Variants in ZKSCAN7 observed in about 807,000 individuals in gnomAD.
The protein encoded by ZKSCAN7 is zinc finger with KRAB and SCAN domains 7, also known as zinc finger protein with KRAB and SCAN domains 7.
A neutral mutation model predicts 65.3 loss-of-function variants in ZKSCAN7; 38 were observed. The ratio of observed to expected loss-of-function variants is 0.58; its 90% CI spans 0.45 to 0.76. The LOEUF is 0.76. Ranked by LOEUF, ZKSCAN7 falls within the 30% of genes least tolerant of loss-of-function variation. The probability of loss-of-function intolerance (pLI) is 0.00; values close to 1 mark genes in which losing one functional copy is unlikely to be tolerated. For synonymous variants in ZKSCAN7, 321 were observed against 321.0 expected, an observed-to-expected ratio of 1.00 and a Z score of 0.00; for missense variants, 815 against 913.3, an observed-to-expected ratio of 0.89 and a Z score of 1.39.
chr3:44,579,775 A>T (rs1559434358), intron 5 of ZKSCAN7, among the ~76,000 whole-genome samples: 1 of 152,196 alleles, frequency 6.6e-6, no homozygotes. Context: ...CAGCCACTGA[A>T]TCCCTGTAGT....
intron 2 of ZKSCAN7, among the ~76,000 whole-genome samples, chr3:44,564,791 T>C (rs969767398): frequency 1.3e-5 from 2 of 152,144 alleles, no homozygotes; most frequent in Non-Finnish European, 2.9e-5. Flanking sequence ...TTTTTTTGTT[T>C]GTTTGGTTTT....
At position 44,556,969 on chromosome 3, in the gene ZKSCAN7, A is replaced by C; in HGVS notation, c.-79A>C. 2 of 1,585,744 alleles carry C rather than the reference A, an allele frequency of 1.3e-6. No individual in the cohort carries two copies. Among genetic ancestry groups the C allele is most frequent in the South Asian group, 2.3e-5 (2 of 88,424 alleles). Reference sequence around the variant, plus strand: ...ACCCCTTTCTCCAACCCTGAAAAACAGTTCCTGAGACCTGAACTATTGACC... The same window carrying C: ...ACCCCTTTCTCCAACCCTGAAAAACCGTTCCTGAGACCTGAACTATTGACC... On this transcript the variant is annotated 5_prime_UTR_variant, in exon 2 of 6. Coordinates refer to ENST00000426540, the MANE Select transcript of ZKSCAN7 (RefSeq NM_001288590.2).
At chr3:44,579,005 G>T (rs1043131729) in intron 5 of ZKSCAN7, among the ~76,000 whole-genome samples, 3 of 152,246 alleles carry the variant, frequency 2.0e-5, no homozygotes, top group African/African-American at 7.2e-5. Flanking sequence ...CTTGAGCAGA[G>T]AGGTCAGCTC....
chr3:44,568,432 G>T lies in ZKSCAN7; in HGVS notation c.810G>T (p.Leu270Phe). 6.2e-7 allele frequency: 1 copy of T among 1,613,132 alleles called. No individual in the cohort carries two copies. The highest frequency in any genetic ancestry group is 1.7e-4 in the Middle Eastern group (1 of 6,058). Residue 270 changes from leucine to phenylalanine, a missense_variant and splice_region_variant, in exon 5 of 6, where the codon TTG (leucine) becomes TTT (phenylalanine). Leu to Phe is a conservative substitution (Grantham distance 22, BLOSUM62 0). Coordinates refer to ENST00000426540, the MANE Select transcript of ZKSCAN7 (RefSeq NM_001288590.2). ...AAAATCACCATAGCATGGCCTCCTT[G>T]GGTAATGATTCTGTTTCCTAGTCAC... ...MPENHHSMAS[L>F]AGENMMKGSE...
chr3:44,576,756 G>A (rs547620916), downstream of ZKSCAN7, among the ~76,000 whole-genome samples: 2 of 152,292 alleles, frequency 1.3e-5, no homozygotes, highest in African/African-American at 4.8e-5. Context: ...CAGTAGAGAA[G>A]CAGCTTCAAT....
intron 5 of ZKSCAN7, chr3:44,580,922 G>T: frequency 2.5e-6 from 4 of 1,613,156 alleles, no homozygotes; most frequent in Non-Finnish European, 3.4e-6. Flanking sequence ...GGTCCTCGTC[G>T]TTGAGGAGAT....
rs922389208 is a variant in ZKSCAN7, at chr3:44,581,102, G to A, written c.812-1870G>A. Reference sequence around the variant, plus strand: ...GGCGGGCTAGGGGCTCAGCGCGGCCGCCGCCGCATCCCTCGCCGGCCCTGC... The same window carrying A: ...GGCGGGCTAGGGGCTCAGCGCGGCCACCGCCGCATCCCTCGCCGGCCCTGC... On this transcript the variant is annotated intron_variant, in intron 5 of 5. Coordinates refer to the ZKSCAN7 transcript ENST00000341840. 2.5e-4 allele frequency: 249 copies of A among 1,005,898 alleles called. No homozygotes were observed. In the African/African-American group the frequency reaches 4.1e-3, roughly 17 times the overall value. 62.3% of individuals were successfully genotyped at this position (1,005,898 alleles called of 1,614,324 possible).
intron 2 of ZKSCAN7, among the ~76,000 whole-genome samples, chr3:44,559,364 C>T (rs75604944): frequency 0.034 from 5,217 of 152,160 alleles, 206 homozygotes; most frequent in African/African-American, 0.097. Context: ...GTCCCCTCTA[C>T]CCCTTTGTAC....
At chr3:44,581,373 C>A (rs530959102) in intron 5 of ZKSCAN7, among the ~76,000 whole-genome samples, 2 of 152,018 alleles carry the variant, frequency 1.3e-5, no homozygotes, top group South Asian at 4.1e-4. Context: ...GCCCCGCGGC[C>A]GCTGCAAATG....
chr3:44,558,314 CAGG>C (rs1254867158), intron 2 of ZKSCAN7, among the ~76,000 whole-genome samples: 1 of 152,032 alleles, frequency 6.6e-6, no homozygotes, highest in African/African-American at 2.4e-5. Flanking sequence ...CACTTGAGGT[CAGG>C]AGTTTGAGAC....
chr3:44,558,768 C>T, intron 2 of ZKSCAN7, among the ~76,000 whole-genome samples: 1 of 139,330 alleles, frequency 7.2e-6, no homozygotes, highest in African/African-American at 2.7e-5. Flanking sequence ...CGTCTGCTTT[C>T]TCCTTTCTTC....
intron 5 of ZKSCAN7, chr3:44,578,125 C>T: frequency 6.5e-7 from 1 of 1,538,260 alleles, no homozygotes; most frequent in Non-Finnish European, 9.0e-7. Context: ...CCCAGTGCTT[C>T]CGTTGCAGCC....
At position 44,571,815 on chromosome 3, in the gene ZKSCAN7, T is replaced by TA; in HGVS notation, c.*442dup. On this transcript the variant is annotated 3_prime_UTR_variant, in exon 6 of 6. Transcript: ENST00000426540. ...CCCTCCCCATCTACTCTTTAAACTTTAATCTATAACTTTTCATCAGTTTTG... is the reference window on the plus strand; with the variant it reads ...CCCTCCCCATCTACTCTTTAAACTTTAAATCTATAACTTTTCATCAGTTTTG... The TA allele has an allele frequency of 2.0e-6, 2 of 995,784 alleles. No homozygotes were observed. Among genetic ancestry groups the TA allele is most frequent in the Non-Finnish European group, 2.4e-6 (2 of 835,944 alleles). 61.7% of individuals were successfully genotyped at this position (995,784 alleles called of 1,614,324 possible).
At chr3:44,580,831 AC>A in intron 5 of ZKSCAN7, 1 of 1,613,302 alleles carries the variant, frequency 6.2e-7, no homozygotes, top group Non-Finnish European at 8.5e-7. Flanking sequence ...CATTTCGGAG[AC>A]CGGTGCACTG....
downstream of ZKSCAN7, among the ~76,000 whole-genome samples, chr3:44,573,235 T>G (rs997788364): frequency 1.3e-5 from 2 of 152,230 alleles, no homozygotes; most frequent in African/African-American, 4.8e-5. Flanking sequence ...GGCCCAGATC[T>G]GGGGGACGTT....
At chr3:44,577,417 C>G (rs1699943438) in intron 5 of ZKSCAN7, among the ~76,000 whole-genome samples, 1 of 152,158 alleles carries the variant, frequency 6.6e-6, no homozygotes, top group South Asian at 2.1e-4. Context: ...TCCTCCCAGG[C>G]TGGAAGGCAG....
intron 5 of ZKSCAN7, among the ~76,000 whole-genome samples, chr3:44,578,919 C>T (rs933308718): frequency 1.3e-5 from 2 of 152,226 alleles, no homozygotes. Context: ...CCCAGGGCCA[C>T]CCTCAGCTGG....
At position 44,571,771 on chromosome 3, in the gene ZKSCAN7, T is replaced by C; in HGVS notation, c.*396T>C. The C allele has an allele frequency of 9.8e-7, 1 of 1,021,764 alleles. No individual in the cohort carries two copies. Among genetic ancestry groups the C allele is most frequent in the Non-Finnish European group, 1.2e-6 (1 of 851,388 alleles). 63.3% of individuals were successfully genotyped at this position (1,021,764 alleles called of 1,614,324 possible). A position where few individuals can be genotyped will look rare whatever the true frequency, so the allele number is the denominator to read the frequency against. ...CATTCAAAAAGGCTGATTCATGCCT[T>C]CCTGCCTCTTGGCTATGGCCCTCCC... On this transcript the variant is annotated 3_prime_UTR_variant, in exon 6 of 6. Transcript: ENST00000426540.
chr3:44,578,426 G>T (rs1397915719), intron 5 of ZKSCAN7: 1 of 1,613,998 alleles, frequency 6.2e-7, no homozygotes, highest in Admixed American at 1.7e-5. Context: ...GATCTCTGCA[G>T]CCAGGCGGTT....
Sources: allele counts gnomAD v4.1 joint callset (sites outside exome capture counted in the v4.1 genomes callset), GRCh38; gene constraint gnomAD v4.1.1; transcripts MANE v1.5; gene names NCBI Gene and HGNC (gene_info 2026-07-23, HGNC 2026-07-21).